Variants in CADPS2 observed in about 807,000 individuals in gnomAD.
CADPS2 encodes the protein calcium-dependent secretion activator 2.
CADPS2 carries 93 observed loss-of-function variants against 172.5 expected under a neutral mutation model. The ratio of observed to expected loss-of-function variants is 0.54; its 90% confidence interval spans 0.46 to 0.64. The LOEUF (loss-of-function observed/expected upper bound fraction) is 0.64, where lower values mean the gene tolerates loss of function less well. Ranked by LOEUF, CADPS2 falls within the 30% of genes least tolerant of loss-of-function variation. The pLI, the probability that CADPS2 is intolerant of heterozygous loss-of-function variation, is 0.00. For missense variants in CADPS2, 1,420 were observed against 1,565.9 expected (o/e 0.91, Z 1.57); for synonymous variants, 546 against 555.2 (o/e 0.98, Z 0.23).
intron 1 of CADPS2, among the ~76,000 whole-genome samples, chr7:122,760,362 A>G (rs1248870478): frequency 6.6e-6 from 1 of 152,132 alleles, no homozygotes; most frequent in Non-Finnish European, 1.5e-5. Context: ...TAGCAGATAT[A>G]TATAATATTA....
intron 6 of CADPS2, among the ~76,000 whole-genome samples, chr7:122,610,198 G>T (rs781372484): frequency 1.3e-5 from 2 of 151,542 alleles, no homozygotes; most frequent in Non-Finnish European, 2.9e-5. Context: ...CTTCCTCTCA[G>T]GTTTCAAAGT....
intron 15 of CADPS2, among the ~76,000 whole-genome samples, chr7:122,442,719 A>G (rs1481838198): frequency 6.6e-6 from 1 of 152,154 alleles, no homozygotes; most frequent in African/African-American, 2.4e-5. Context: ...TGGATTTTAT[A>G]TTCGTGAAAC....
chr7:122,567,498 T>G (rs530581606), intron 7 of CADPS2, among the ~76,000 whole-genome samples: 1 of 152,204 alleles, frequency 6.6e-6, no homozygotes, highest in African/African-American at 2.4e-5. Context: ...GAAACAATTC[T>G]GATTTTGTTC....
chr7:122,695,308 A>G (rs1479151724), intron 2 of CADPS2, among the ~76,000 whole-genome samples: 1 of 152,236 alleles, frequency 6.6e-6, no homozygotes, highest in Non-Finnish European at 1.5e-5. Flanking sequence ...CAAGGAACAT[A>G]AACTCCCTTC....
At position 122,716,030 on chromosome 7, in the gene CADPS2, A is replaced by G. The variant is rs141999584; in HGVS notation, c.453+20925T>C. ...ACATTTCAAATGTTCTCATCACAAAAAAAGTATGTGAGGTGATAAATATGT... is the reference window on the plus strand; with the variant it reads ...ACATTTCAAATGTTCTCATCACAAAGAAAGTATGTGAGGTGATAAATATGT... On this transcript the variant is annotated intron_variant, in intron 2 of 29. Coordinates refer to ENST00000449022, the MANE Select transcript of CADPS2 (RefSeq NM_017954.11). Among the ~76,000 whole-genome samples, 5 of 152,274 alleles carry G rather than the reference A, an allele frequency of 3.3e-5. 1 individual carries two copies. The East Asian group carries it at 9.7e-4, about 29-fold the overall frequency.
intron 17 of CADPS2, among the ~76,000 whole-genome samples, chr7:122,418,233 G>A (rs911712170): frequency 1.3e-5 from 2 of 151,764 alleles, no homozygotes; most frequent in Non-Finnish European, 2.9e-5. Context: ...AAGCCAGGGC[G>A]CTTCCCACGT....
At chr7:122,800,949 G>A (rs1797488366) in intron 1 of CADPS2, among the ~76,000 whole-genome samples, 1 of 147,816 alleles carries the variant, frequency 6.8e-6, no homozygotes, top group African/African-American at 2.5e-5. Flanking sequence ...CCAAGATTGT[G>A]CCACTGTACT....
intron 1 of CADPS2, among the ~76,000 whole-genome samples, chr7:122,879,260 A>G (rs1822208775): frequency 6.9e-6 from 1 of 144,536 alleles, no homozygotes; most frequent in Admixed American, 7.0e-5. Flanking sequence ...AAAAAGGACC[A>G]GGTGCAGTGG....
At chr7:122,472,659 T>C (rs1563433938) in intron 13 of CADPS2, among the ~76,000 whole-genome samples, 1 of 152,182 alleles carries the variant, frequency 6.6e-6, no homozygotes, top group Non-Finnish European at 1.5e-5. Flanking sequence ...ATAATGTCTT[T>C]GAGTGGAATC....
At chr7:122,651,438 A>G (rs796159826) in intron 3 of CADPS2, among the ~76,000 whole-genome samples, 9 of 152,300 alleles carry the variant, frequency 5.9e-5, no homozygotes, top group African/African-American at 2.2e-4. Flanking sequence ...GCAACTGCCT[A>G]TTTATTGATT....
intron 9 of CADPS2, among the ~76,000 whole-genome samples, chr7:122,500,551 A>G (rs2059113234): frequency 6.6e-6 from 1 of 152,134 alleles, no homozygotes; most frequent in South Asian, 2.1e-4. Flanking sequence ...AACAGTAAAC[A>G]TCCCCTCATG....
intron 8 of CADPS2, among the ~76,000 whole-genome samples, chr7:122,526,779 C>T (rs1380228241): frequency 6.6e-6 from 1 of 152,180 alleles, no homozygotes; most frequent in Admixed American, 6.5e-5. Context: ...AACTAGGTGA[C>T]ATGTAGACAT....
At chr7:122,648,353 T>C (rs2134852712) in intron 3 of CADPS2, among the ~76,000 whole-genome samples, 1 of 152,228 alleles carries the variant, frequency 6.6e-6, no homozygotes, top group East Asian at 1.9e-4. Flanking sequence ...TCTGTTAAAA[T>C]TAAAATTTAA....
At chr7:122,634,730 T>C (rs967506642) in intron 3 of CADPS2, among the ~76,000 whole-genome samples, 1 of 152,178 alleles carries the variant, frequency 6.6e-6, no homozygotes, top group Non-Finnish European at 1.5e-5. Context: ...CTAGTTCCTC[T>C]AGGTATATTG....
rs950323635 is a variant in CADPS2, at chr7:122,360,998, C to T, written c.3403G>A (p.Glu1135Lys). 1.2e-6 allele frequency: 2 copies of T among 1,613,500 alleles called. No individual in the cohort carries two copies. Among genetic ancestry groups the T allele is most frequent in the East Asian group, 2.2e-5 (1 of 44,806 alleles). Reference sequence around the variant, plus strand: ...CTTGACAGCTTAGACAACACGCCTTCCAACACTGAAACAAACTATAATACA... The same window carrying T: ...CTTGACAGCTTAGACAACACGCCTTTCAACACTGAAACAAACTATAATACA... ...LLVSKFVSVL[E>K]GVLSKLSRYD... Residue 1135 changes from glutamate (E) to lysine (K), a missense_variant, in exon 26 of 30, where the codon GAA becomes AAA. By Grantham distance (56) the Glu-to-Lys change is moderately conservative. Transcript: ENST00000449022.
chr7:122,781,483 A>C (rs1170597912), intron 1 of CADPS2, among the ~76,000 whole-genome samples: 1 of 152,102 alleles, frequency 6.6e-6, no homozygotes, highest in East Asian at 1.9e-4. Flanking sequence ...TTTATACTTC[A>C]CTGTATTGTA....
intron 3 of CADPS2, among the ~76,000 whole-genome samples, chr7:122,651,582 T>C (rs900116547): frequency 6.6e-6 from 1 of 152,168 alleles, no homozygotes; most frequent in African/African-American, 2.4e-5. Context: ...ACCCAAACAG[T>C]TCTGTGATGT....
At chr7:122,415,961 A>T (rs2047854975) in intron 18 of CADPS2, 100 bp downstream of exon 18, 1 of 591,704 alleles carries the variant, frequency 1.7e-6, no homozygotes, top group South Asian at 3.5e-5. Context: ...AAATGTTCAG[A>T]TATGTATCAA....
intron 1 of CADPS2, among the ~76,000 whole-genome samples, chr7:122,757,054 C>T (rs1357854105): frequency 6.6e-6 from 1 of 151,306 alleles, no homozygotes; most frequent in Non-Finnish European, 1.5e-5. Context: ...CCTGAGCAGA[C>T]CTGTATATTA....
Sources: gnomAD v4.1 joint callset for allele counts (sites outside exome capture counted in the v4.1 genomes callset) on GRCh38, gnomAD v4.1.1 for gene constraint, MANE v1.5 for transcripts, NCBI Gene and HGNC (gene_info 2026-07-23, HGNC 2026-07-21) for gene names.